Variants in LPP observed in about 807,000 individuals in gnomAD.
LPP encodes LIM domain containing preferred translocation partner in lipoma, also known as lipoma-preferred partner.
LPP carries 38 observed loss-of-function variants against 60.4 expected under a neutral mutation model. The ratio of observed to expected loss-of-function variants is 0.63; its 90% CI spans 0.49 to 0.83. The LOEUF (loss-of-function observed/expected upper bound fraction) is 0.83. LPP is among the 40% of genes least tolerant of loss of function. The pLI, the probability that LPP is intolerant of heterozygous loss-of-function variation, is 0.00. For missense variants in LPP, 902 were observed against 783.6 expected (o/e 1.15, Z -1.80); for synonymous variants, 328 against 290.8 (o/e 1.13, Z -1.30).
intron 3 of LPP, among the ~76,000 whole-genome samples, chr3:188,399,114 T>C (rs1781638519): frequency 6.6e-6 from 1 of 152,186 alleles, no homozygotes; most frequent in Non-Finnish European, 1.5e-5. Flanking sequence ...CATCACTACA[T>C]TTTTCGAGAA....
At chr3:188,514,617 T>C (rs1816791078) in intron 5 of LPP, among the ~76,000 whole-genome samples, 1 of 152,046 alleles carries the variant, frequency 6.6e-6, no homozygotes, top group African/African-American at 2.4e-5. Flanking sequence ...AAATTTTGTA[T>C]TTTTAGTAGA....
intron 6 of LPP, among the ~76,000 whole-genome samples, chr3:188,601,697 T>C (rs1487502700): frequency 6.6e-6 from 1 of 152,190 alleles, no homozygotes; most frequent in African/African-American, 2.4e-5. Flanking sequence ...ATAACTTGCA[T>C]TTAAAAAGCC....
intron 9 of LPP, among the ~76,000 whole-genome samples, chr3:188,814,677 G>T (rs1475907111): frequency 6.6e-6 from 1 of 152,160 alleles, no homozygotes; most frequent in African/African-American, 2.4e-5. Flanking sequence ...TTTGTAAATG[G>T]ATGTATTTTC....
chr3:188,476,778 A>C (rs1371507284), intron 4 of LPP, among the ~76,000 whole-genome samples: 1 of 152,232 alleles, frequency 6.6e-6, no homozygotes, highest in East Asian at 1.9e-4. Flanking sequence ...CTGAAGTTTA[A>C]GGATATCTAG....
At chr3:188,873,577 T>C (rs1768720687) in intron 11 of LPP, among the ~76,000 whole-genome samples, 1 of 138,440 alleles carries the variant, frequency 7.2e-6, no homozygotes, top group South Asian at 2.4e-4. Flanking sequence ...AGTTATGCAG[T>C]TCTTTGCATT....
chr3:188,576,927 G>T (rs1429286327), intron 6 of LPP, among the ~76,000 whole-genome samples: 2 of 152,146 alleles, frequency 1.3e-5, no homozygotes, highest in African/African-American at 2.4e-5. Context: ...AGACATCCAG[G>T]TCCTTTCTCC....
At chr3:188,174,157 C>G (rs1033537677) in intron 1 of LPP, among the ~76,000 whole-genome samples, 1 of 152,194 alleles carries the variant, frequency 6.6e-6, no homozygotes, top group African/African-American at 2.4e-5. Context: ...TTGGGACAAG[C>G]TGGTGCAAAA....
In LPP at chr3:188,275,459, A is replaced by G. The variant is rs77315556; in HGVS notation, c.-67+49932A>G. Among the ~76,000 whole-genome samples, 515 of 152,318 alleles carry G rather than the reference A, an allele frequency of 3.4e-3. 6 individuals are homozygous for G. Among genetic ancestry groups the G allele is most frequent in the African/African-American group, 0.011 (478 of 41,576 alleles). On this transcript the variant is annotated intron_variant, in intron 2 of 11. Transcript: ENST00000617246. ...ATCTCAGCCTGGAACTCCTGGGCTC[A>G]AGCAATTCTGCCGTATCAGTCCCCT...
chr3:188,811,240 C>G lies in LPP; in HGVS notation c.1410+50958C>G, dbSNP rs188110311. ...AAGAGAACTATAGATATTCACATCC[C>G]CAAGCATTAACTGAGAACCTGTTAT... On this transcript the variant is annotated intron_variant, in intron 9 of 11. Transcript: ENST00000617246. 2.2e-3 allele frequency among the ~76,000 whole-genome samples: 339 copies of G among 151,880 alleles called. 2 individuals are homozygous for G. The highest frequency in any genetic ancestry group is 7.9e-3 in the African/African-American group (328 of 41,440).
At chr3:188,621,781 T>A (rs1373870413) in intron 7 of LPP, among the ~76,000 whole-genome samples, 1 of 152,110 alleles carries the variant, frequency 6.6e-6, no homozygotes, top group East Asian at 1.9e-4. Flanking sequence ...TGCCTCAGCC[T>A]CCTGAGTAGC....
intron 3 of LPP, among the ~76,000 whole-genome samples, chr3:188,351,359 G>C (rs539122376): frequency 2.0e-4 from 30 of 152,272 alleles, no homozygotes; most frequent in Non-Finnish European, 3.7e-4. Flanking sequence ...AAATTTGCCT[G>C]CATAGTTAGT....
At chr3:188,729,852 G>A (rs1445373652) in intron 8 of LPP, among the ~76,000 whole-genome samples, 1 of 151,904 alleles carries the variant, frequency 6.6e-6, no homozygotes, top group Admixed American at 6.6e-5. Flanking sequence ...GGGCATGATG[G>A]CATATGCTGT....
At chr3:188,660,365 C>T (rs1398796872) in intron 7 of LPP, among the ~76,000 whole-genome samples, 2 of 152,198 alleles carry the variant, frequency 1.3e-5, no homozygotes, top group African/African-American at 4.8e-5. Flanking sequence ...AAAGCAAAAA[C>T]ATTCAATAAT....
In LPP at chr3:188,524,713, G is replaced by A. The variant is rs764886170; in HGVS notation, c.355G>A (p.Ala119Thr). Residue 119 changes from alanine (A) to threonine (T), a missense_variant, in exon 6 of 12, where the codon GCT becomes ACT. By Grantham distance (58) the Ala-to-Thr change is moderately conservative. Transcript: ENST00000617246. ...TGAGGAGAGGCGCTCCAGCCTGGAC[G>A]CTGAGATTGACTCCTTGACCAGCAT... ...TLEERRSSLD[A>T]EIDSLTSILA... The A allele has an allele frequency of 1.4e-5, 22 of 1,613,996 alleles. No individual in the cohort carries two copies. Among genetic ancestry groups the A allele is most frequent in the Middle Eastern group, 1.6e-4 (1 of 6,070 alleles).
chr3:188,602,143 A>ATATATATATAATATATATAT (rs1560620126), intron 6 of LPP, among the ~76,000 whole-genome samples: 6 of 128,380 alleles, frequency 4.7e-5, no homozygotes, highest in African/African-American at 1.1e-4. Flanking sequence ...TCTTAATCTC[A>ATATATATATAATATATATAT]TATATATATA....
intron 3 of LPP, among the ~76,000 whole-genome samples, chr3:188,386,268 A>ATG (rs1778281305): frequency 9.4e-6 from 1 of 105,834 alleles, no homozygotes; most frequent in South Asian, 2.5e-4. Context: ...ATGCGCGCAC[A>ATG]CACACACACA....
At chr3:188,837,147 C>T (rs988887500) in intron 9 of LPP, among the ~76,000 whole-genome samples, 2 of 151,898 alleles carry the variant, frequency 1.3e-5, no homozygotes, top group Non-Finnish European at 2.9e-5. Context: ...CTTGGGAGGC[C>T]GAGGCAGGCA....
intron 1 of LPP, among the ~76,000 whole-genome samples, chr3:188,221,622 T>C (rs1715815456): frequency 6.6e-6 from 1 of 152,240 alleles, no homozygotes; most frequent in African/African-American, 2.4e-5. Flanking sequence ...TTTGAATTGG[T>C]CTGATATCAG....
intron 5 of LPP, among the ~76,000 whole-genome samples, chr3:188,513,704 G>A (rs1375245449): frequency 1.3e-5 from 2 of 152,098 alleles, no homozygotes; most frequent in African/African-American, 4.8e-5. Flanking sequence ...ATTGTGAAAA[G>A]TGAGGGGTTT....
Sources: allele counts gnomAD v4.1 joint callset (sites outside exome capture counted in the v4.1 genomes callset), GRCh38; gene constraint gnomAD v4.1.1; transcripts MANE v1.5; gene names NCBI Gene and HGNC (gene_info 2026-07-23, HGNC 2026-07-21).